The following TSPEAR variants were observed in gnomAD, a reference collection of about 807,000 sequenced individuals.
TSPEAR encodes the protein thrombospondin-type laminin G domain and EAR repeat-containing protein.
In TSPEAR, 69 loss-of-function variants were observed where a neutral mutation model predicts 71.6. The ratio of observed to expected loss-of-function variants is 0.96; its 90% CI spans 0.79 to 1.18. The LOEUF is 1.18. TSPEAR is among the 50% of genes most tolerant of loss of function. The pLI, the probability that TSPEAR is intolerant of heterozygous loss-of-function variation, is 0.00. For synonymous variants in TSPEAR, 402 were observed against 387.2 expected, an observed-to-expected ratio of 1.04 and a Z score of -0.45; for missense variants, 971 against 894.9, an observed-to-expected ratio of 1.09 and a Z score of -1.09.
At chr21:44,551,919 T>C (rs8129310) in intron 2 of TSPEAR, among the ~76,000 whole-genome samples, 84,317 of 151,972 alleles carry the variant, frequency 0.55, 24,468 homozygotes, top group South Asian at 0.71. Context: ...AGAGCCAGGA[T>C]GGAGGTGCCT....
At chr21:44,628,961 G>A (rs1468803801) in intron 1 of TSPEAR, among the ~76,000 whole-genome samples, 1 of 152,128 alleles carries the variant, frequency 6.6e-6, no homozygotes, top group Non-Finnish European at 1.5e-5. Context: ...GGTGGGAACA[G>A]GAAGGTCTCA....
At chr21:44,569,880 G>T (rs940733287) in intron 1 of TSPEAR, among the ~76,000 whole-genome samples, 1 of 152,122 alleles carries the variant, frequency 6.6e-6, no homozygotes, top group African/African-American at 2.4e-5. Context: ...CTGTGCCTCA[G>T]GGCTCTGATG....
Position 44,546,399 on chromosome 21 carries a change from A to G in TSPEAR, c.304-12476T>C, listed in dbSNP as rs1452941480. Among the ~76,000 whole-genome samples, 1 of 152,150 alleles carries G rather than the reference A, an allele frequency of 6.6e-6. No individual in the cohort carries two copies. The highest frequency in any genetic ancestry group is 6.5e-5 in the Admixed American group (1 of 15,274). On this transcript the variant is annotated intron_variant, in intron 2 of 11. Coordinates refer to ENST00000323084, the MANE Select transcript of TSPEAR (RefSeq NM_144991.3). The surrounding 1 kb of genome is among the most constrained non-coding windows in gnomAD (Gnocchi z 4.4). The stretch of plus-strand genomic sequence containing the variant: ...GCCCAGGCTGGAGTGCAGTGGTGCG[A>G]TCTCTGCTCACTGCAAGCTCCGCCT...
rs565307600 is a variant in TSPEAR, at chr21:44,683,713, T to C, written c.82+27720A>G. On this transcript the variant is annotated intron_variant, in intron 1 of 11. Coordinates refer to ENST00000323084, the MANE Select transcript of TSPEAR (RefSeq NM_144991.3). ...ATTAAAAGATATAGGTAAATTTAAT[T>C]CACTGTTAAAAAAAATAAACCTGAT... is the stretch of plus-strand genomic sequence containing the variant. 1.1e-4 allele frequency among the ~76,000 whole-genome samples: 17 copies of C among 150,694 alleles called. No homozygotes were observed. The South Asian group carries it at 3.6e-3, about 31-fold the overall frequency.
At chr21:44,702,190 A>G in intron 1 of TSPEAR, 2 of 1,535,166 alleles carry the variant, frequency 1.3e-6, no homozygotes, top group East Asian at 2.4e-5. Flanking sequence ...CCCACAGAGC[A>G]AAAGCTCCAG....
In TSPEAR at chr21:44,599,172, C is replaced by CTCTCTCTCTCTCTCTCTCTCAATGTA. The variant is rs1372930980; in HGVS notation, c.83-31168_83-31167insTACATTGAGAGAGAGAGAGAGAGAGA. Among the ~76,000 whole-genome samples the CTCTCTCTCTCTCTCTCTCTCAATGTA allele has an allele frequency of 9.5e-4, 139 of 146,058 alleles. 1 individual carries two copies. Among genetic ancestry groups the CTCTCTCTCTCTCTCTCTCTCAATGTA allele is most frequent in the African/African-American group, 3.4e-3 (129 of 38,038 alleles). ...TCTCTCTCTCTCTCTCTCTCTCTCT[C>CTCTCTCTCTCTCTCTCTCTCAATGTA]CTTCCATCCCATAGGACCAGATCCT... On this transcript the variant is annotated intron_variant, in intron 1 of 11. Coordinates refer to ENST00000323084, the MANE Select transcript of TSPEAR (RefSeq NM_144991.3).
chr21:44,540,393 G>C (rs1336276821), intron 2 of TSPEAR, among the ~76,000 whole-genome samples: 1 of 152,140 alleles, frequency 6.6e-6, no homozygotes, highest in African/African-American at 2.4e-5. Flanking sequence ...TAAATCTCCT[G>C]TCCTGTCTGG....
chr21:44,528,401 T>G (rs1464266627), intron 6 of TSPEAR, 51 bp downstream of exon 6: 1 of 1,609,706 alleles, frequency 6.2e-7, no homozygotes, highest in African/African-American at 1.3e-5. Flanking sequence ...CCAGTCACAC[T>G]GTGCCAGAGT....
intron 1 of TSPEAR, among the ~76,000 whole-genome samples, chr21:44,635,157 C>T (rs1176009718): frequency 6.6e-6 from 1 of 151,938 alleles, no homozygotes; most frequent in Non-Finnish European, 1.5e-5. Context: ...CCAGCCTGGC[C>T]AACATGGTGA....
intron 1 of TSPEAR, among the ~76,000 whole-genome samples, chr21:44,704,051 G>T (rs926198368): frequency 6.6e-6 from 1 of 152,336 alleles, no homozygotes; most frequent in South Asian, 2.1e-4. Context: ...TGGAGAGTGT[G>T]GGGCAGATGC....
chr21:44,689,265 G>T (rs1470642994), intron 1 of TSPEAR, among the ~76,000 whole-genome samples: 1 of 152,194 alleles, frequency 6.6e-6, no homozygotes, highest in East Asian at 1.9e-4. Context: ...CACTTTGGGA[G>T]GCCGAGGCGG....
Position 44,567,851 on chromosome 21 carries a change from C to A in TSPEAR, c.237G>T (p.Gln79His), listed in dbSNP as rs1324345132. ...MSFPASRIFSQCDLFPEEFSI... is the reference protein window; with the variant it reads ...MSFPASRIFSHCDLFPEEFSI... The stretch of plus-strand genomic sequence containing the variant: ...AAAATTCTTCAGGGAAGAGGTCACA[C>A]TGGGAGAAAATCCTGGATGCTGGGA... The change falls in exon 2 of 12, where the codon CAG becomes CAT. Residue 79 changes from glutamine to histidine, a missense_variant. Gln to His is a conservative substitution (Grantham distance 24, BLOSUM62 0). Transcript: ENST00000323084. 6.2e-7 allele frequency: 1 copy of A among 1,609,578 alleles called. No homozygotes were observed. Among genetic ancestry groups the A allele is most frequent in the African/African-American group, 1.3e-5 (1 of 74,808 alleles).
At chr21:44,624,557 G>A (rs1280426399) in intron 1 of TSPEAR, among the ~76,000 whole-genome samples, 1 of 152,186 alleles carries the variant, frequency 6.6e-6, no homozygotes, top group Non-Finnish European at 1.5e-5. Context: ...TAGGCTACAG[G>A]CAGATCATAT....
chr21:44,608,573 A>G (rs1437595054), intron 1 of TSPEAR, among the ~76,000 whole-genome samples: 2 of 152,268 alleles, frequency 1.3e-5, no homozygotes, highest in Non-Finnish European at 2.9e-5. Flanking sequence ...ACAAGTAGCC[A>G]TATTTTAGAA....
Position 44,612,505 on chromosome 21 carries a change from G to A in TSPEAR, c.83-44500C>T. On this transcript the variant is annotated intron_variant, in intron 1 of 11. Coordinates refer to ENST00000323084, the MANE Select transcript of TSPEAR (RefSeq NM_144991.3). The surrounding 1 kb of genome is among the most constrained non-coding windows in gnomAD (Gnocchi z 4.1). ...ACTGCTGCAAGCCCGTGTGCTGCGTGTCCATCTGCTCTGGAGCTTCCTCCC... is the reference window on the plus strand; with the variant it reads ...ACTGCTGCAAGCCCGTGTGCTGCGTATCCATCTGCTCTGGAGCTTCCTCCC... 2 of 1,609,578 alleles carry A rather than the reference G, an allele frequency of 1.2e-6. No homozygotes were observed. Among genetic ancestry groups the A allele is most frequent in the Non-Finnish European group, 1.7e-6 (2 of 1,177,040 alleles).
At chr21:44,650,810 G>A (rs1287277008) in intron 1 of TSPEAR, among the ~76,000 whole-genome samples, 1 of 152,352 alleles carries the variant, frequency 6.6e-6, no homozygotes, top group Non-Finnish European at 1.5e-5. Context: ...AGTGCCTGGG[G>A]CCTGTGACCT....
chr21:44,622,929 A>AGT (rs746561647), intron 1 of TSPEAR, among the ~76,000 whole-genome samples: 1 of 151,974 alleles, frequency 6.6e-6, no homozygotes, highest in Non-Finnish European at 1.5e-5. Flanking sequence ...ATAGTGAGGG[A>AGT]GTTCTGGCAA....
At chr21:44,590,570 G>C (rs868929756) in intron 1 of TSPEAR, among the ~76,000 whole-genome samples, 1 of 152,154 alleles carries the variant, frequency 6.6e-6, no homozygotes, top group Admixed American at 6.5e-5. Flanking sequence ...TGCTGGGCTC[G>C]AGTCCTGGGG....
intron 1 of TSPEAR, among the ~76,000 whole-genome samples, chr21:44,568,238 C>T (rs1357433597): frequency 9.9e-5 from 15 of 152,204 alleles, no homozygotes; most frequent in African/African-American, 2.4e-4. Context: ...GGATCTTGCA[C>T]GGCTGCCTCT....
Sources: allele counts gnomAD v4.1 joint callset (sites outside exome capture counted in the v4.1 genomes callset), GRCh38; gene constraint gnomAD v4.1.1; non-coding constraint Gnocchi (gnomAD v3.1); transcripts MANE v1.5; gene names NCBI Gene and HGNC (gene_info 2026-07-23, HGNC 2026-07-21).